TACC2: variants seen among roughly 807,000 people sequenced by gnomAD.
TACC2 encodes transforming acidic coiled-coil-containing protein 2.
TACC2 carries 137 observed loss-of-function variants against 227.3 expected under a neutral mutation model. The observed-to-expected ratio is 0.60, with a 90% CI of 0.52 to 0.69. The LOEUF is 0.69. TACC2 is among the 30% of genes least tolerant of loss of function. The probability of loss-of-function intolerance (pLI) is 0.00; values close to 1 mark genes in which losing one functional copy is unlikely to be tolerated. For missense variants in TACC2, 3,470 were observed against 3,694.4 expected (o/e 0.94, Z 1.57); for synonymous variants, 1,523 against 1,487.5 (o/e 1.02, Z -0.55).
intron 5 of TACC2, among the ~76,000 whole-genome samples, chr10:122,122,223 T>C (rs1402079287): frequency 1.3e-5 from 2 of 152,154 alleles, no homozygotes; most frequent in South Asian, 2.1e-4. Context: ...GGTGTGGTGG[T>C]GGGCACCTAT....
chr10:122,191,869 T>C (rs1433815019), intron 7 of TACC2, among the ~76,000 whole-genome samples: 2 of 152,230 alleles, frequency 1.3e-5, no homozygotes, highest in Non-Finnish European at 2.9e-5. Flanking sequence ...TCTTGTACTT[T>C]GGGTTTTTTC....
rs1590805681 is a variant in TACC2, at chr10:121,989,289, T to A, written c.-245T>A. The A allele has an allele frequency of 1.3e-5, 2 of 152,376 alleles. No individual in the cohort carries two copies. The highest frequency in any genetic ancestry group is 2.9e-5 in the Non-Finnish European group (2 of 68,044). 9.4% of individuals were successfully genotyped at this position (152,376 alleles called of 1,614,324 possible). A position where few individuals can be genotyped will look rare whatever the true frequency, so the allele number is the denominator to read the frequency against. On this transcript the variant is annotated 5_prime_UTR_variant, in exon 1 of 23. It adds an upstream start codon to the 5' untranslated region. Coordinates refer to ENST00000369005, the MANE Select transcript of TACC2 (RefSeq NM_206862.4). Reference sequence around the variant, plus strand: ...CACTGGGATTTCTCAAGTCACCCGCTTGGTCCTCTTCCAAGTATACTTTAC... The same window carrying A: ...CACTGGGATTTCTCAAGTCACCCGCATGGTCCTCTTCCAAGTATACTTTAC...
chr10:122,170,407 A>G (rs1592875340), intron 7 of TACC2, among the ~76,000 whole-genome samples: 1 of 151,738 alleles, frequency 6.6e-6, no homozygotes, highest in Non-Finnish European at 1.5e-5. Flanking sequence ...AGTAGCTGGA[A>G]ATACAGGTGC....
intron 19 of TACC2, among the ~76,000 whole-genome samples, chr10:122,242,654 T>G (rs1284725596): frequency 1.3e-5 from 2 of 151,688 alleles, no homozygotes; most frequent in African/African-American, 4.8e-5. Flanking sequence ...TTTTCTTTTC[T>G]TTTTTTTTAA....
At chr10:122,069,456 A>T (rs542817044) in intron 3 of TACC2, among the ~76,000 whole-genome samples, 27 of 151,562 alleles carry the variant, frequency 1.8e-4, no homozygotes, top group African/African-American at 6.5e-4. Flanking sequence ...GTTAGCCAGG[A>T]TGGTCTTGAT....
intron 3 of TACC2, chr10:122,051,540 TCGTGGGTTCAACTCGCAAACAGG>T (rs1485236724): frequency 6.6e-6 from 1 of 152,120 alleles, no homozygotes; most frequent in Non-Finnish European, 1.5e-5. Context: ...TAATAACTGC[TCGTGGGTTCAACTCGCAAACAGG>T]CCATGGATTT....
intron 8 of TACC2, among the ~76,000 whole-genome samples, chr10:122,199,131 C>T (rs2094688277): frequency 6.6e-6 from 1 of 152,242 alleles, no homozygotes; most frequent in South Asian, 2.1e-4. Context: ...CCTCCCTGTG[C>T]CCTGCGTGCC....
chr10:122,103,502 T>C (rs914886587), intron 5 of TACC2, among the ~76,000 whole-genome samples: 1 of 152,262 alleles, frequency 6.6e-6, no homozygotes, highest in African/African-American at 2.4e-5. Flanking sequence ...AATATTATTG[T>C]GGTTATTTTA....
intron 6 of TACC2, among the ~76,000 whole-genome samples, chr10:122,133,144 T>C (rs905350629): frequency 6.6e-6 from 1 of 152,090 alleles, no homozygotes; most frequent in Admixed American, 6.5e-5. Context: ...GATTCACTGC[T>C]CATTTTCTTT....
At chr10:122,193,189 C>G (rs2094466244) in intron 7 of TACC2, among the ~76,000 whole-genome samples, 1 of 152,190 alleles carries the variant, frequency 6.6e-6, no homozygotes, top group Admixed American at 6.5e-5. Context: ...TATGATGTTT[C>G]TTTTAAACCC....
At chr10:122,208,102 T>C (rs2095184677) in intron 8 of TACC2, among the ~76,000 whole-genome samples, 1 of 152,116 alleles carries the variant, frequency 6.6e-6, no homozygotes, top group Non-Finnish European at 1.5e-5. Flanking sequence ...CAACACCTTT[T>C]GAAATGAGAA....
chr10:122,251,114 G>A (rs995579205), intron 22 of TACC2, among the ~76,000 whole-genome samples: 4 of 151,436 alleles, frequency 2.6e-5, no homozygotes, highest in African/African-American at 9.7e-5. Flanking sequence ...TCGTAGAGAT[G>A]GGGTCTCACT....
intron 6 of TACC2, among the ~76,000 whole-genome samples, chr10:122,134,436 C>T (rs533170057): frequency 6.6e-6 from 1 of 152,310 alleles, no homozygotes; most frequent in African/African-American, 2.4e-5. Flanking sequence ...GCCTCGGCCT[C>T]CCAAAGTGCT....
intron 8 of TACC2, among the ~76,000 whole-genome samples, chr10:122,201,295 A>AG (rs2094834204): frequency 1.8e-5 from 1 of 57,046 alleles, no homozygotes; most frequent in East Asian, 7.8e-4. Flanking sequence ...CACATGGGGA[A>AG]AACGGCCACC....
At chr10:122,167,784 C>T (rs10788255) in intron 7 of TACC2, among the ~76,000 whole-genome samples, 52,011 of 152,098 alleles carry the variant, frequency 0.34, 8,975 homozygotes, top group East Asian at 0.54. Context: ...GTGGAAATGC[C>T]CTATGCCTGA....
intron 1 of TACC2, among the ~76,000 whole-genome samples, chr10:122,007,054 G>A (rs1157040844): frequency 6.6e-6 from 1 of 151,824 alleles, no homozygotes; most frequent in Admixed American, 6.6e-5. Flanking sequence ...TAGAGACAGG[G>A]TTTCTCCATG....
Position 122,085,561 on chromosome 10 carries a change from G to A in TACC2, c.3061G>A (p.Ala1021Thr). The change falls in exon 4 of 23, where the codon GCT (alanine) becomes ACT (threonine). Residue 1021 changes from alanine to threonine, a missense_variant. Ala to Thr is a moderately conservative substitution (Grantham distance 58). This residue lies in a region of TACC2 where 1,924 missense variants were observed against 1,978.3 expected (regional missense o/e 0.97). Coordinates refer to ENST00000369005, the MANE Select transcript of TACC2 (RefSeq NM_206862.4). ...CQRHPGASEA[A>T]DGCSPLWGLS... The stretch of plus-strand genomic sequence containing the variant: ...AAGGCATCCAGGAGCTTCTGAAGCA[G>A]CTGATGGTTGTTCCCCACTCTGGGG... 1 of 1,613,332 alleles carries A rather than the reference G, an allele frequency of 6.2e-7. No homozygotes were observed. Among genetic ancestry groups the A allele is most frequent in the Non-Finnish European group, 8.5e-7 (1 of 1,180,038 alleles).
In TACC2 at chr10:122,237,364, G is replaced by GT. The variant is rs111577265; in HGVS notation, c.8128-21dup. ...CTTTGTCGTATGATTAATGCTAACT[G>GT]TTTTTTTTTTAATTAAAAACGATTC... On this transcript the variant is annotated intron_variant, in intron 16 of 22. Transcript: ENST00000369005. The GT allele has an allele frequency of 5.5e-3, 7,257 of 1,314,702 alleles. 2 individuals carry two copies. The highest frequency in any genetic ancestry group is 0.012 in the South Asian group (806 of 69,258). 81.4% of individuals were successfully genotyped at this position (1,314,702 alleles called of 1,614,324 possible).
intron 3 of TACC2, chr10:122,079,219 G>A (rs7085386): frequency 0.04 from 6,037 of 152,266 alleles, 147 homozygotes; most frequent in African/African-American, 0.062. Flanking sequence ...AAAATTGCCA[G>A]GTCCAGATGC....
Sources: allele counts gnomAD v4.1 joint callset (sites outside exome capture counted in the v4.1 genomes callset), GRCh38; gene constraint gnomAD v4.1.1; regional missense constraint gnomAD v4.1.1; transcripts MANE v1.5; gene names NCBI Gene and HGNC (gene_info 2026-07-23, HGNC 2026-07-21).